Variants in KCND3 observed in about 807,000 individuals in gnomAD.
KCND3 encodes the protein A-type voltage-gated potassium channel KCND3.
In KCND3, 9 loss-of-function variants were observed where a neutral mutation model predicts 51.1. That is an observed-to-expected ratio of 0.18 (90% CI 0.11 to 0.31). KCND3 has a LOEUF of 0.31. KCND3 is among the 10% of genes least tolerant of loss of function. KCND3 has a pLI of 1.00. For synonymous variants in KCND3, 349 were observed against 368.0 expected, an observed-to-expected ratio of 0.95 and a Z score of 0.59; for missense variants, 526 against 903.8, an observed-to-expected ratio of 0.58 and a Z score of 5.36.
chr1:111,789,610 G>A (rs747949865), intron 2 of KCND3, among the ~76,000 whole-genome samples: 24 of 152,210 alleles, frequency 1.6e-4, no homozygotes, highest in Non-Finnish European at 5.9e-5. Context: ...GCAAAAGGAG[G>A]TCTGAGAAAC....
At chr1:111,942,388 A>G (rs1557734820) in intron 2 of KCND3, among the ~76,000 whole-genome samples, 1 of 152,220 alleles carries the variant, frequency 6.6e-6, no homozygotes. Flanking sequence ...GGGGTGGCTG[A>G]CTGGGGCGCT....
chr1:111,855,250 A>C (rs558726278), intron 2 of KCND3, among the ~76,000 whole-genome samples: 1 of 152,298 alleles, frequency 6.6e-6, no homozygotes, highest in South Asian at 2.1e-4. Flanking sequence ...CAGAATGTCC[A>C]GTTGGGCAGC....
chr1:111,956,153 A>G (rs916022982), intron 2 of KCND3, among the ~76,000 whole-genome samples: 1 of 151,974 alleles, frequency 6.6e-6, no homozygotes, highest in African/African-American at 2.4e-5. Flanking sequence ...GAGAGGAGGG[A>G]GTTGATTGTG....
chr1:111,816,224 C>G (rs990646920), intron 2 of KCND3, among the ~76,000 whole-genome samples: 3 of 152,218 alleles, frequency 2.0e-5, no homozygotes, highest in South Asian at 2.1e-4. Flanking sequence ...GGGTGGGGTC[C>G]GAGCACTGGA....
intron 2 of KCND3, among the ~76,000 whole-genome samples, chr1:111,817,644 T>C (rs939517346): frequency 5.9e-5 from 9 of 152,216 alleles, no homozygotes; most frequent in African/African-American, 1.9e-4. Flanking sequence ...CCATCTTCTT[T>C]CTTCGGTTTT....
At chr1:111,943,321 G>A (rs865880839) in intron 2 of KCND3, among the ~76,000 whole-genome samples, 5 of 152,128 alleles carry the variant, frequency 3.3e-5, no homozygotes, top group Non-Finnish European at 7.4e-5. Context: ...TCCATGGAGC[G>A]CACCATGCCC....
rs536975923 is a variant in KCND3, at chr1:111,805,710, C to G, written c.1107-18604G>C. On this transcript the variant is annotated intron_variant, in intron 2 of 7. Coordinates refer to ENST00000302127, the MANE Select transcript of KCND3 (RefSeq NM_001378969.1). ...GGGGACATGGAGAGCTGGAGTCTGC[C>G]GCTGGCCCATGTGGCTAGGGGAGCG... Among the ~76,000 whole-genome samples the G allele has an allele frequency of 2.6e-5, 4 of 152,316 alleles. No individual in the cohort carries two copies. In the East Asian group the frequency reaches 7.7e-4, roughly 29 times the overall value.
At chr1:111,930,179 G>A (rs1284329339) in intron 2 of KCND3, among the ~76,000 whole-genome samples, 1 of 151,532 alleles carries the variant, frequency 6.6e-6, no homozygotes, top group South Asian at 2.1e-4. Flanking sequence ...TTTCTAAGCA[G>A]TAAGTTGTGT....
At chr1:111,925,216 T>A (rs1217645878) in intron 2 of KCND3, among the ~76,000 whole-genome samples, 1 of 152,230 alleles carries the variant, frequency 6.6e-6, no homozygotes, top group African/African-American at 2.4e-5. Context: ...TGTGTCCATG[T>A]TGTGCCAGGT....
rs1386662254 is a variant in KCND3 at position 111,939,780 on chromosome 1, AGAT to A, written c.1106+41838_1106+41840del. On this transcript the variant is annotated intron_variant, in intron 2 of 7. Transcript: ENST00000302127. ...TGGGTCAAATGGTATTTCTGGTTCTAGATCCTTGAGGAATCGCCACACTGTCTT... is the reference window on the plus strand; with the variant it reads ...TGGGTCAAATGGTATTTCTGGTTCTACCTTGAGGAATCGCCACACTGTCTT... 2.6e-5 allele frequency among the ~76,000 whole-genome samples: 4 copies of A among 152,350 alleles called. No homozygotes were observed. The East Asian group carries it at 7.7e-4, about 29-fold the overall frequency.
intron 2 of KCND3, among the ~76,000 whole-genome samples, chr1:111,969,911 A>AC: frequency 6.6e-6 from 1 of 151,722 alleles, no homozygotes; most frequent in East Asian, 1.9e-4. Context: ...TCCTGCTGTG[A>AC]CCCCTTGGCT....
At chr1:111,798,026 A>T (rs1176321958) in intron 2 of KCND3, among the ~76,000 whole-genome samples, 3 of 152,178 alleles carry the variant, frequency 2.0e-5, no homozygotes, top group South Asian at 4.1e-4. Context: ...GAAAGAGAGG[A>T]CAGATAGGTA....
chr1:111,814,952 C>T (rs1258627952), intron 2 of KCND3, among the ~76,000 whole-genome samples: 1 of 152,208 alleles, frequency 6.6e-6, no homozygotes, highest in Non-Finnish European at 1.5e-5. Context: ...TGGCAGAATA[C>T]CTGGCTATAT....
chr1:111,957,641 A>C (rs1381383949), intron 2 of KCND3, among the ~76,000 whole-genome samples: 1 of 152,104 alleles, frequency 6.6e-6, no homozygotes, highest in Non-Finnish European at 1.5e-5. Context: ...ATCTTAAAGC[A>C]CTTGGGCTCC....
At chr1:111,883,905 C>T (rs1237966775) in intron 2 of KCND3, among the ~76,000 whole-genome samples, 1 of 152,180 alleles carries the variant, frequency 6.6e-6, no homozygotes, top group Non-Finnish European at 1.5e-5. Context: ...ATTGCTTTCT[C>T]CATTCTTAAA....
intron 2 of KCND3, among the ~76,000 whole-genome samples, chr1:111,794,498 A>T (rs1009541370): frequency 5.9e-5 from 9 of 152,328 alleles, no homozygotes; most frequent in African/African-American, 2.2e-4. Context: ...TCTCAGCCTC[A>T]CTGCCACACC....
At chr1:111,823,188 T>C (rs1666424928) in intron 2 of KCND3, among the ~76,000 whole-genome samples, 1 of 152,026 alleles carries the variant, frequency 6.6e-6, no homozygotes, top group African/African-American at 2.4e-5. Context: ...GGGCAGGGTG[T>C]GGGGTGGGGA....
chr1:111,987,452 T>C (rs1210770564), intron 1 of KCND3, among the ~76,000 whole-genome samples: 3 of 152,218 alleles, frequency 2.0e-5, no homozygotes, highest in Admixed American at 2.0e-4. Context: ...CCTGTCCCCC[T>C]GGTAAAACAT....
rs569132462 is a variant in KCND3, at chr1:111,967,167, A to C, written c.1106+14454T>G. ...AAAAAAAAAAAACAAAAACAAAAAA[A>C]AAAACAAAACAAAAACGGGGTCGGG... On this transcript the variant is annotated intron_variant, in intron 2 of 7. Coordinates refer to ENST00000302127, the MANE Select transcript of KCND3 (RefSeq NM_001378969.1). 1.6e-3 allele frequency among the ~76,000 whole-genome samples: 241 copies of C among 151,814 alleles called. 2 individuals carry two copies. The highest frequency in any genetic ancestry group is 4.1e-3 in the African/African-American group (170 of 41,424).
Sources: gnomAD v4.1 joint callset for allele counts (sites outside exome capture counted in the v4.1 genomes callset) on GRCh38, gnomAD v4.1.1 for gene constraint, MANE v1.5 for transcripts, NCBI Gene and HGNC (gene_info 2026-07-23, HGNC 2026-07-21) for gene names.